Variants in NOTCH3 observed in about 807,000 individuals in gnomAD.
NOTCH3 encodes the protein neurogenic locus notch homolog protein 3.
Under a neutral mutation model 213.3 loss-of-function variants are expected in NOTCH3, and 86 were observed. The ratio of observed to expected loss-of-function variants is 0.40; its 90% CI spans 0.34 to 0.48. The LOEUF (loss-of-function observed/expected upper bound fraction) is 0.48. NOTCH3 is among the 20% of genes least tolerant of loss of function. The pLI is 0.57. For missense variants in NOTCH3, 2,783 were observed against 3,272.6 expected (o/e 0.85, Z 3.65); for synonymous variants, 1,354 against 1,355.9 (o/e 1.00, Z 0.03).
chr19:15,165,086 C>T lies in NOTCH3; in HGVS notation c.5815+282G>A, dbSNP rs1026413752. Among the ~76,000 whole-genome samples, 10 of 152,136 alleles carry T rather than the reference C, an allele frequency of 6.6e-5. No individual in the cohort carries two copies. The highest frequency in any genetic ancestry group is 1.9e-4 in the African/African-American group (8 of 41,424). ...GCCACCACACATGGCCTGATGTGTA[C>T]GTTTATTATAATAACTTCCAGCAGG... On this transcript the variant is annotated intron_variant, in intron 31 of 32. Coordinates refer to ENST00000263388, the MANE Select transcript of NOTCH3 (RefSeq NM_000435.3). This position sits in a 1 kb window ranked among gnomAD's most constrained non-coding sequence, Gnocchi z 4.7.
intron 25 of NOTCH3, among the ~76,000 whole-genome samples, chr19:15,173,493 C>T (rs2046757114): frequency 6.8e-6 from 1 of 147,090 alleles, no homozygotes; most frequent in Non-Finnish European, 1.5e-5. Flanking sequence ...GATTTGAATT[C>T]CTGGGCTCAA....
At chr19:15,196,288 G>A (rs1222414757) in intron 2 of NOTCH3, among the ~76,000 whole-genome samples, 1 of 152,102 alleles carries the variant, frequency 6.6e-6, no homozygotes, top group African/African-American at 2.4e-5. Flanking sequence ...CAGGCGCCCG[G>A]CCCCACCGCT....
rs200072659 is a variant in NOTCH3, at chr19:15,179,231, T to A, written c.3512A>T (p.Asp1171Val). The A allele has an allele frequency of 6.2e-6, 10 of 1,613,878 alleles. No homozygotes were observed. In the East Asian group the frequency reaches 2.2e-4, roughly 36 times the overall value. ...ATTGTGTAGGCACCGGGGCCCTGAG[T>A]CCAGCGGTGGGCCTGGGCCGCAGTC... ...EDDCGPGPPL[D>V]SGPRCLHNGT... Residue 1171 changes from aspartate to valine, a missense_variant, in exon 22 of 33, where the codon GAC becomes GTC. By Grantham distance (152) the Asp-to-Val change is radical. Around this residue, in one of 6 missense-constraint regions of NOTCH3, gnomAD observed 861 missense variants for 909.1 expected, o/e 0.95. Transcript: ENST00000263388.
chr19:15,178,079 A>G lies in NOTCH3; in HGVS notation c.3849T>C (p.Gly1283=). 1 of 1,518,720 alleles carries G rather than the reference A, an allele frequency of 6.6e-7. No homozygotes were observed. The highest frequency in any genetic ancestry group is 8.8e-7 in the Non-Finnish European group (1 of 1,138,640). 94.1% of individuals were successfully genotyped at this position (1,518,720 alleles called of 1,614,324 possible). A position where few individuals can be genotyped will look rare whatever the true frequency, so the allele number is the denominator to read the frequency against. ...AGCGCGCCACCCGCTCGCAACGCGG[A>G]CCCCAGAACGGCTGGGGGTCGGGTT... ...FTCHCAQPFW[G]PRCERVARSC... Residue 1283 remains glycine, a synonymous_variant, in exon 24 of 33, where the codon GGT becomes GGC. Transcript: ENST00000263388.
At chr19:15,200,618 C>T (rs986941596) in intron 1 of NOTCH3, among the ~76,000 whole-genome samples, 170 bp downstream of exon 1, 1 of 152,000 alleles carries the variant, frequency 6.6e-6, no homozygotes, top group African/African-American at 2.4e-5. Flanking sequence ...GGGGTCCTCC[C>T]CATTCTGAAT....
intron 2 of NOTCH3, 107 bp downstream of exon 2, chr19:15,197,393 G>A (rs559537426): frequency 5.9e-6 from 6 of 1,011,886 alleles, no homozygotes; most frequent in African/African-American, 1.6e-5. Flanking sequence ...TGTAGGAAGT[G>A]GTAGAGACAT....
In NOTCH3 at chr19:15,185,906, C is replaced by T. The variant is rs10407433; in HGVS notation, c.1952-227G>A. ...CATGAAGTCCCTTTCTTTTTCTTTTCTTCTTCTTCTTATTTTTTGAGATGG... is the reference window on the plus strand; with the variant it reads ...CATGAAGTCCCTTTCTTTTTCTTTTTTTCTTCTTCTTATTTTTTGAGATGG... On this transcript the variant is annotated intron_variant, in intron 12 of 32. Transcript: ENST00000263388. This position sits in a 1 kb window ranked among gnomAD's most constrained non-coding sequence, Gnocchi z 4.2. Among the ~76,000 whole-genome samples, 24,986 of 144,728 alleles carry T rather than the reference C, an allele frequency of 0.17. 2,201 individuals are homozygous for T. Among genetic ancestry groups the T allele is most frequent in the East Asian group, 0.26 (1,336 of 5,150 alleles). The allele number at this position is 144,728 out of a possible 152,430, so 94.9% of individuals were successfully genotyped here.
chr19:15,164,126 G>T (rs1167331189), intron 31 of NOTCH3, among the ~76,000 whole-genome samples: 1 of 152,166 alleles, frequency 6.6e-6, no homozygotes, highest in Non-Finnish European at 1.5e-5. Flanking sequence ...ATTGATTGTG[G>T]TAATAGTTGT....
rs1440578514 is a variant in NOTCH3, at chr19:15,185,768, A to C, written c.1952-89T>G. On this transcript the variant is annotated intron_variant, in intron 12 of 32. Transcript: ENST00000263388. The surrounding 1 kb of genome is among the most constrained non-coding windows in gnomAD (Gnocchi z 4.2). ...ACGTGACCCCACTTAGCACACCCAC[A>C]CCCCCGAGCAATGACCTCTTTTTCA... 3.2e-6 allele frequency: 4 copies of C among 1,262,200 alleles called. No individual in the cohort carries two copies. The highest frequency in any genetic ancestry group is 4.5e-6 in the Non-Finnish European group (4 of 880,386). 78.2% of individuals were successfully genotyped at this position (1,262,200 alleles called of 1,614,324 possible).
In NOTCH3 at chr19:15,159,714, G is replaced by C. The variant is rs2046623678; in HGVS notation, c.*948C>G. The C allele has an allele frequency of 4.3e-6, 1 of 232,982 alleles. No homozygotes were observed. Among genetic ancestry groups the C allele is most frequent in the South Asian group, 1.8e-4 (1 of 5,532 alleles). The allele number at this position is 232,982 out of a possible 1,614,324, so 14.4% of individuals were successfully genotyped here. ...AGGGCTTGGGAATTCAGCTACACAG[G>C]GATTTTGACCAGAAGCCATATTACA... On this transcript the variant is annotated 3_prime_UTR_variant, in exon 33 of 33. Coordinates refer to ENST00000263388, the MANE Select transcript of NOTCH3 (RefSeq NM_000435.3).
Position 15,187,217 on chromosome 19 carries a change from G to A in NOTCH3, c.1728C>T (p.Gly576=), listed in dbSNP as rs768756905. ...FSCACAPGYT[G]TRCESQVDEC... is the part of the protein sequence containing the mutation. The stretch of plus-strand genomic sequence containing the variant: ...CGTCCACCTGGCTCTCGCAGCGTGT[G>A]CCCGTGTAGCCAGGAGCACAGGCAC... Residue 576 remains glycine (G), a synonymous_variant, in exon 11 of 33, where the codon GGC becomes GGT. Transcript: ENST00000263388. The A allele has an allele frequency of 1.2e-6, 2 of 1,614,118 alleles. No homozygotes were observed. Among genetic ancestry groups the A allele is most frequent in the Admixed American group, 3.3e-5 (2 of 60,026 alleles).
chr19:15,184,805 G>A (rs1335631915), intron 15 of NOTCH3, 101 bp downstream of exon 15: 3 of 719,774 alleles, frequency 4.2e-6, no homozygotes, highest in Non-Finnish European at 7.2e-6. Flanking sequence ...CTCAAAGGCA[G>A]GGCTGGGGAT....
At chr19:15,194,233 A>G (rs2046952975) in intron 2 of NOTCH3, among the ~76,000 whole-genome samples, 1 of 152,030 alleles carries the variant, frequency 6.6e-6, no homozygotes, top group South Asian at 2.1e-4. Flanking sequence ...TGGGTGACAG[A>G]GCAAGACTCT....
intron 16 of NOTCH3, among the ~76,000 whole-genome samples, chr19:15,182,235 G>C (rs2046847153): frequency 6.6e-6 from 1 of 152,122 alleles, no homozygotes; most frequent in East Asian, 1.9e-4. Context: ...GGCTGGGCGT[G>C]GTGGCACACA....
Position 15,162,512 on chromosome 19 carries a change from A to C in NOTCH3, c.5866T>G (p.Leu1956Val). Residue 1956 changes from leucine to valine, a missense_variant, in exon 32 of 33, where the codon TTG becomes GTG. Transcript: ENST00000263388. The stretch of plus-strand genomic sequence containing the variant: ...TTGGCTCCATTTTTGAGCAGGGCCA[A>C]AGTGGCTTCCACGTTGTTCACAGCC... Reference protein sequence around the residue: ...AAAVNNVEATLALLKNGANKD... With the variant: ...AAAVNNVEATVALLKNGANKD... 6.2e-7 allele frequency: 1 copy of C among 1,614,032 alleles called. No homozygotes were observed. The highest frequency in any genetic ancestry group is 8.5e-7 in the Non-Finnish European group (1 of 1,180,014).
rs1395067836 is a variant in NOTCH3 at position 15,180,060 on chromosome 19, G to T, written c.3327+12C>A. On this transcript the variant is annotated intron_variant, in intron 20 of 32. Transcript: ENST00000263388. ...CACCTCCTCTTCCCTCTCCTGGGGA[G>T]CGCCCCCTTACCTCACACATGTAGC... 2 of 1,587,196 alleles carry T rather than the reference G, an allele frequency of 1.3e-6. No homozygotes were observed. Among genetic ancestry groups the T allele is most frequent in the East Asian group, 2.2e-5 (1 of 44,754 alleles).
Position 15,165,922 on chromosome 19 carries a change from G to A in NOTCH3, c.5532C>T (p.His1844=). The change falls in exon 30 of 33, where the codon CAC becomes CAT. Residue 1844 remains histidine, a synonymous_variant. Coordinates refer to ENST00000263388, the MANE Select transcript of NOTCH3 (RefSeq NM_000435.3). This position sits in a 1 kb window ranked among gnomAD's most constrained non-coding sequence, Gnocchi z 4.7. ...CAGCACGGGCATAACGGGCAGCCAG[G>A]TGCAAAGCAGTCTCGCCAGTACGGT... The part of the protein sequence containing the change: ...RTDRTGETAL[H]LAARYARADA... 2 of 1,614,152 alleles carry A rather than the reference G, an allele frequency of 1.2e-6. No individual in the cohort carries two copies. The highest frequency in any genetic ancestry group is 2.2e-5 in the East Asian group (1 of 44,876).
chr19:15,184,228 G>T, intron 16 of NOTCH3, 67 bp downstream of exon 16: 1 of 1,449,920 alleles, frequency 6.9e-7, no homozygotes. Flanking sequence ...ACAGTGCCAG[G>T]CACACAGTTC....
At chr19:15,179,827 G>T (rs978113664) in intron 20 of NOTCH3, among the ~76,000 whole-genome samples, 1 of 151,998 alleles carries the variant, frequency 6.6e-6, no homozygotes, top group Admixed American at 6.6e-5. Context: ...AGGTTGCAGT[G>T]AGCTGAGATC....
Sources: gnomAD v4.1 joint callset for allele counts (sites outside exome capture counted in the v4.1 genomes callset) on GRCh38, gnomAD v4.1.1 for gene constraint, gnomAD v4.1.1 regional missense constraint, Gnocchi (gnomAD v3.1) non-coding constraint, MANE v1.5 for transcripts, NCBI Gene and HGNC (gene_info 2026-07-23, HGNC 2026-07-21) for gene names.